Variants in PDE1A observed in about 807,000 individuals in gnomAD.
The protein encoded by PDE1A is phosphodiesterase 1A.
In PDE1A, 35 loss-of-function variants were observed where a neutral mutation model predicts 61.7. The ratio of observed to expected loss-of-function variants is 0.57; its 90% CI spans 0.43 to 0.75. The LOEUF (loss-of-function observed/expected upper bound fraction) is 0.75. Ranked by LOEUF, PDE1A falls within the 30% of genes least tolerant of loss-of-function variation. PDE1A has a pLI of 0.00. For synonymous variants in PDE1A, 232 were observed against 213.2 expected (o/e 1.09, Z -0.77); for missense variants, 597 against 630.6 (o/e 0.95, Z 0.57).
chr2:182,321,206 C>T (rs569348647), intron 1 of PDE1A, among the ~76,000 whole-genome samples: 3 of 152,206 alleles, frequency 2.0e-5, no homozygotes, highest in South Asian at 2.1e-4. Flanking sequence ...CCAGAAAGAA[C>T]ATTTACTGGT....
chr2:182,455,813 G>A (rs779356992), intron 2 of PDE1A, among the ~76,000 whole-genome samples: 19 of 151,856 alleles, frequency 1.3e-4, no homozygotes, highest in Non-Finnish European at 2.5e-4. Flanking sequence ...GCTAAATGAC[G>A]AGTTAATGGG....
chr2:182,394,638 A>T (rs1222509798), intron 1 of PDE1A, among the ~76,000 whole-genome samples: 1 of 152,192 alleles, frequency 6.6e-6, no homozygotes. Flanking sequence ...AGGGTTTGTG[A>T]ATGTCAGGTA....
chr2:182,568,120 A>G, the PDE1A span, among the ~76,000 whole-genome samples: 1 of 152,238 alleles, frequency 6.6e-6, no homozygotes, highest in African/African-American at 2.4e-5. Flanking sequence ...TAAGTTTTCT[A>G]AATAACTTTT....
the PDE1A span, among the ~76,000 whole-genome samples, chr2:182,687,528 T>C: frequency 8.1e-3 from 1,235 of 152,152 alleles, 16 homozygotes; most frequent in African/African-American, 0.027. Context: ...CAAAACCCCA[T>C]CTGTACGTCA....
At chr2:182,615,358 C>A in the PDE1A span, among the ~76,000 whole-genome samples, 1 of 151,572 alleles carries the variant, frequency 6.6e-6, no homozygotes, top group Admixed American at 6.6e-5. Flanking sequence ...AGTCTTGCCC[C>A]AAAAGCAGTA....
At chr2:182,627,233 T>A in the PDE1A span, among the ~76,000 whole-genome samples, 1,259 of 25,458 alleles carry the variant, frequency 0.049, 2 homozygotes, top group Admixed American at 0.073. Flanking sequence ...ATATATTATT[T>A]ATATATAAAA....
chr2:182,715,875 A>G, the PDE1A span, among the ~76,000 whole-genome samples: 2 of 152,148 alleles, frequency 1.3e-5, 1 homozygote, highest in Admixed American at 1.3e-4. Context: ...GGTCTCACCC[A>G]CCCATCACCC....
chr2:182,696,110 G>C, the PDE1A span, among the ~76,000 whole-genome samples: 1 of 152,134 alleles, frequency 6.6e-6, no homozygotes, highest in Admixed American at 6.6e-5. Context: ...TGCACTCCTT[G>C]GTATTTACTC....
chr2:182,607,600 C>T, the PDE1A span, among the ~76,000 whole-genome samples: 2 of 152,146 alleles, frequency 1.3e-5, no homozygotes, highest in South Asian at 2.1e-4. Flanking sequence ...TTTCCATCCA[C>T]GTTTGGTTGA....
At chr2:182,539,116 C>CT in the PDE1A span, among the ~76,000 whole-genome samples, 2 of 152,148 alleles carry the variant, frequency 1.3e-5, no homozygotes, top group East Asian at 3.9e-4. Context: ...CCACACTGGC[C>CT]TTTTTTCCAT....
At chr2:182,395,899 T>C (rs1701676441) in intron 1 of PDE1A, among the ~76,000 whole-genome samples, 1 of 152,212 alleles carries the variant, frequency 6.6e-6, no homozygotes, top group African/African-American at 2.4e-5. Context: ...AACTTTTGAC[T>C]AGTGGTCATC....
At chr2:182,313,928 C>G (rs975081051) in intron 1 of PDE1A, among the ~76,000 whole-genome samples, 2 of 152,146 alleles carry the variant, frequency 1.3e-5, no homozygotes, top group Admixed American at 1.3e-4. Context: ...TTGAAACATA[C>G]GTATTGTAGG....
rs543899288 is a variant in PDE1A at position 182,380,245 on chromosome 2, C to T, written c.53+46333G>A. Among the ~76,000 whole-genome samples, 518 of 151,758 alleles carry T rather than the reference C, an allele frequency of 3.4e-3. 5 individuals carry two copies. Among genetic ancestry groups the T allele is most frequent in the African/African-American group, 0.012 (485 of 41,382 alleles). On this transcript the variant is annotated intron_variant, in intron 1 of 13. Coordinates refer to ENST00000351439, the Ensembl canonical transcript of PDE1A. ...CCTGCCTCAGCCTCCCGAGTAGCTG[C>T]GACTACAGGCTCCTGCCACCACGCC...
the PDE1A span, among the ~76,000 whole-genome samples, chr2:182,606,843 A>G: frequency 6.6e-6 from 1 of 152,174 alleles, no homozygotes; most frequent in South Asian, 2.1e-4. Context: ...AGGAAAAGGG[A>G]AGAGCAAGTA....
At position 182,178,027 on chromosome 2, in the gene PDE1A, A is replaced by G. The variant is rs3769805; in HGVS notation, c.1516+7865T>C. Among the ~76,000 whole-genome samples, 1,171 of 152,300 alleles carry G rather than the reference A, an allele frequency of 7.7e-3. 39 individuals carry two copies. The East Asian group carries it at 0.096, about 12-fold the overall frequency. On this transcript the variant is annotated intron_variant, in intron 13 of 13. Transcript: ENST00000351439. ...TTCATTTCTCTTCTGAAACAACTAC[A>G]AAAGCTTATTTTGTGTGTCTCGATG...
At chr2:182,504,413 G>A (rs1330079719) in intron 2 of PDE1A, among the ~76,000 whole-genome samples, 1 of 152,088 alleles carries the variant, frequency 6.6e-6, no homozygotes, top group African/African-American at 2.4e-5. Flanking sequence ...AAAAACATAA[G>A]AATGGAGATA....
At chr2:182,201,321 G>A in intron 10 of PDE1A, 118 bp downstream of exon 10, 2 of 1,262,308 alleles carry the variant, frequency 1.6e-6, no homozygotes. Flanking sequence ...CCAAGAATGT[G>A]TAGGTGGCCA....
chr2:182,212,953 C>G, intron 7 of PDE1A, among the ~76,000 whole-genome samples: 2 of 150,700 alleles, frequency 1.3e-5, no homozygotes, highest in African/African-American at 2.4e-5. Flanking sequence ...TAGGCCCCAC[C>G]TCTGGGGGCA....
At chr2:182,483,887 G>T (rs1379539479) in intron 2 of PDE1A, among the ~76,000 whole-genome samples, 2 of 151,772 alleles carry the variant, frequency 1.3e-5, no homozygotes, top group East Asian at 3.9e-4. Flanking sequence ...TGTTAACCAA[G>T]AAAAGACACA....
Sources: gnomAD v4.1 joint callset for allele counts (sites outside exome capture counted in the v4.1 genomes callset) on GRCh38, gnomAD v4.1.1 for gene constraint, MANE v1.5 for transcripts, NCBI Gene and HGNC (gene_info 2026-07-23, HGNC 2026-07-21) for gene names.